The following SSBP2 variants were observed in gnomAD, a reference collection of about 807,000 sequenced individuals.
SSBP2 encodes the protein single stranded DNA binding protein 2, also known as single-stranded DNA-binding protein 2.
Under a neutral mutation model 61.8 loss-of-function variants are expected in SSBP2, and 17 were observed. That is an observed-to-expected ratio of 0.28 (90% CI 0.19 to 0.41). The LOEUF (loss-of-function observed/expected upper bound fraction) is 0.41, where lower values mean the gene tolerates loss of function less well. Among genes scored for constraint, SSBP2 ranks in the 10% least tolerant of loss-of-function variants. The pLI, the probability that SSBP2 is intolerant of heterozygous loss-of-function variation, is 1.00. For synonymous variants in SSBP2, 139 were observed against 141.3 expected, an observed-to-expected ratio of 0.98 and a Z score of 0.12; for missense variants, 310 against 458.7, an observed-to-expected ratio of 0.68 and a Z score of 2.96.
intron 4 of SSBP2, among the ~76,000 whole-genome samples, chr5:81,533,856 G>A (rs1770599395): frequency 1.3e-5 from 2 of 152,034 alleles, no homozygotes; most frequent in African/African-American, 4.8e-5. Context: ...TCAGTCACAG[G>A]GGGATCTCTA....
At chr5:81,504,636 T>C (rs1386397210) in intron 5 of SSBP2, among the ~76,000 whole-genome samples, 1 of 152,220 alleles carries the variant, frequency 6.6e-6, no homozygotes, top group Middle Eastern at 3.2e-3. Context: ...TCCAAAACTT[T>C]TGCAATGCTG....
At chr5:81,433,606 A>AAAG (rs1554063136) in intron 15 of SSBP2, among the ~76,000 whole-genome samples, 21 of 150,870 alleles carry the variant, frequency 1.4e-4, no homozygotes, top group African/African-American at 5.1e-4. Context: ...AAAAAAAAAA[A>AAAG]AAAGAAAGAA....
chr5:81,463,504 A>G (rs1437678229), intron 9 of SSBP2, among the ~76,000 whole-genome samples: 1 of 152,058 alleles, frequency 6.6e-6, no homozygotes, highest in Admixed American at 6.5e-5. Flanking sequence ...GTTGAAGGCC[A>G]TTCTGAGCAA....
intron 1 of SSBP2, among the ~76,000 whole-genome samples, chr5:81,701,275 A>G (rs1047600170): frequency 6.6e-6 from 1 of 152,172 alleles, no homozygotes; most frequent in Admixed American, 6.5e-5. Flanking sequence ...ACATTTATCA[A>G]TTATATTCTC....
intron 1 of SSBP2, among the ~76,000 whole-genome samples, chr5:81,736,182 ACACACACT>A (rs58000137): frequency 0.22 from 19,641 of 91,256 alleles, 1,676 homozygotes; most frequent in Admixed American, 0.37. Context: ...ACACACACAC[ACACACACT>A]CTACGGCACT....
In SSBP2 at chr5:81,567,978, T is replaced by C. The variant is rs184879851; in HGVS notation, c.282+47495A>G. Among the ~76,000 whole-genome samples the C allele has an allele frequency of 5.5e-4, 84 of 152,274 alleles. No individual in the cohort carries two copies. The East Asian group carries it at 0.012, about 22-fold the overall frequency. ...GCTTGCTTTTGATTTTACAGGCTCA[T>C]AGGAGGAAGGAACTTGATGGAGGAA... On this transcript the variant is annotated intron_variant, in intron 4 of 16. Transcript: ENST00000320672.
intron 4 of SSBP2, among the ~76,000 whole-genome samples, chr5:81,549,675 G>C (rs1429581529): frequency 6.6e-6 from 1 of 152,162 alleles, no homozygotes; most frequent in Admixed American, 6.5e-5. Flanking sequence ...ATACCAATTA[G>C]AGGGCTCTGA....
intron 1 of SSBP2, among the ~76,000 whole-genome samples, chr5:81,650,915 T>C (rs1436458344): frequency 1.3e-5 from 2 of 152,172 alleles, no homozygotes; most frequent in Admixed American, 6.6e-5. Flanking sequence ...TACAGCATTA[T>C]GTAAACTTTA....
chr5:81,606,643 T>C (rs568646779), intron 4 of SSBP2, among the ~76,000 whole-genome samples: 3 of 152,364 alleles, frequency 2.0e-5, no homozygotes, highest in Admixed American at 2.0e-4. Flanking sequence ...CTTCCATTTA[T>C]ATTCCAAATG....
intron 16 of SSBP2, among the ~76,000 whole-genome samples, chr5:81,423,653 G>A (rs934120790): frequency 6.6e-6 from 1 of 152,036 alleles, no homozygotes. Context: ...GCTGAGGCAG[G>A]AGAATCGCTT....
intron 4 of SSBP2, among the ~76,000 whole-genome samples, chr5:81,548,509 C>G (rs987702929): frequency 2.0e-5 from 3 of 152,128 alleles, no homozygotes; most frequent in African/African-American, 7.2e-5. Context: ...GGATCTAATG[C>G]ATATTACTTC....
At chr5:81,474,233 GT>G (rs1177396173) in intron 7 of SSBP2, among the ~76,000 whole-genome samples, 3 of 152,130 alleles carry the variant, frequency 2.0e-5, no homozygotes, top group African/African-American at 7.2e-5. Flanking sequence ...CTTGTTAGAT[GT>G]TATATAAAAG....
chr5:81,426,915 T>C (rs539338046), intron 16 of SSBP2, among the ~76,000 whole-genome samples: 1 of 152,362 alleles, frequency 6.6e-6, no homozygotes, highest in South Asian at 2.1e-4. Context: ...TTAAAATACA[T>C]GGCTTATATA....
chr5:81,450,511 T>C (rs1201119020), intron 10 of SSBP2, among the ~76,000 whole-genome samples: 2 of 152,226 alleles, frequency 1.3e-5, no homozygotes, highest in Non-Finnish European at 2.9e-5. Flanking sequence ...ATTTGGAACT[T>C]GCAGTTCACC....
intron 4 of SSBP2, among the ~76,000 whole-genome samples, chr5:81,582,629 C>A (rs1774744336): frequency 6.6e-6 from 1 of 152,062 alleles, no homozygotes; most frequent in African/African-American, 2.4e-5. Flanking sequence ...AGTCTTGCTG[C>A]ATCACGCAGG....
chr5:81,466,056 T>C (rs1764870084), intron 9 of SSBP2, among the ~76,000 whole-genome samples: 1 of 152,042 alleles, frequency 6.6e-6, no homozygotes, highest in African/African-American at 2.4e-5. Flanking sequence ...CATTAAATGA[T>C]GGCAGAGTTG....
intron 6 of SSBP2, among the ~76,000 whole-genome samples, chr5:81,484,581 T>TA (rs951341361): frequency 6.6e-6 from 1 of 151,924 alleles, no homozygotes; most frequent in Non-Finnish European, 1.5e-5. Context: ...ATCATAAAAA[T>TA]AAAAAATAAT....
At position 81,420,358 on chromosome 5, in the gene SSBP2, G is replaced by C; in HGVS notation, c.*146C>G. The C allele has an allele frequency of 1.4e-6, 1 of 724,066 alleles. No individual in the cohort carries two copies. Among genetic ancestry groups the C allele is most frequent in the Middle Eastern group, 2.4e-4 (1 of 4,158 alleles). The allele number at this position is 724,066 out of a possible 1,614,324, so 44.9% of individuals were successfully genotyped here. On this transcript the variant is annotated 3_prime_UTR_variant, in exon 17 of 17. Coordinates refer to ENST00000320672, the MANE Select transcript of SSBP2 (RefSeq NM_012446.5). ...TTGGACCCGCTTTCTTCACAAAAGAGGGGAGAGAGCAGGAAATAAAAAGGT... is the reference window on the plus strand; with the variant it reads ...TTGGACCCGCTTTCTTCACAAAAGACGGGAGAGAGCAGGAAATAAAAAGGT...
intron 1 of SSBP2, among the ~76,000 whole-genome samples, chr5:81,704,457 A>T (rs1397157300): frequency 1.3e-5 from 2 of 152,078 alleles, no homozygotes; most frequent in Non-Finnish European, 2.9e-5. Context: ...ATATATACAC[A>T]TGCACACACA....
Sources: allele counts gnomAD v4.1 joint callset (sites outside exome capture counted in the v4.1 genomes callset), GRCh38; gene constraint gnomAD v4.1.1; transcripts MANE v1.5; gene names NCBI Gene and HGNC (gene_info 2026-07-23, HGNC 2026-07-21).